MAX: variants seen among roughly 807,000 people sequenced by gnomAD.
The protein encoded by MAX is MYC associated transcriptional regulator X.
A neutral mutation model predicts 22.3 loss-of-function variants in MAX; 3 were observed. The observed-to-expected ratio is 0.13, with a 90% CI of 0.06 to 0.35. MAX has a LOEUF of 0.35. Among genes scored for constraint, MAX ranks in the 10% least tolerant of loss-of-function variants. The probability of loss-of-function intolerance (pLI) is 1.00; values close to 1 mark genes in which losing one functional copy is unlikely to be tolerated. For synonymous variants in MAX, 72 were observed against 77.7 expected (o/e 0.93, Z 0.39); for missense variants, 119 against 209.4 (o/e 0.57, Z 2.66).
rs75241333 is a variant in MAX, at chr14:65,095,996, G to T, written c.64-2181C>A. Among the ~76,000 whole-genome samples, 624 of 152,186 alleles carry T rather than the reference G, an allele frequency of 4.1e-3. 9 individuals are homozygous for T. Among genetic ancestry groups the T allele is most frequent in the East Asian group, 0.039 (200 of 5,172 alleles). ...CCCTCCCATTCACTGAGCTCTGAAA[G>T]GACTCAAATGGACAAGTCTCTCGGT... On this transcript the variant is annotated intron_variant, in intron 2 of 4. Coordinates refer to ENST00000358664, the MANE Select transcript of MAX (RefSeq NM_002382.5).
Position 65,077,447 on chromosome 14 carries a change from G to A in MAX, c.295+466C>T. On this transcript the variant is annotated intron_variant, in intron 4 of 4. Transcript: ENST00000358664. The surrounding 1 kb of genome is among the most constrained non-coding windows in gnomAD (Gnocchi z 6.3). ...CTTTCCCCTGTGGTTGTAGGAAAAG[G>A]CGGGTGTGAGCATTGAGAACAGCAT... The A allele has an allele frequency of 6.5e-7, 1 of 1,535,782 alleles. No homozygotes were observed. Among genetic ancestry groups the A allele is most frequent in the Non-Finnish European group, 9.0e-7 (1 of 1,108,682 alleles).
chr14:65,073,662 C>G (rs912504485), downstream of MAX, among the ~76,000 whole-genome samples: 2 of 152,212 alleles, frequency 1.3e-5, no homozygotes, highest in African/African-American at 4.8e-5. Context: ...TATGGTCCGA[C>G]TTTGGTATCC....
chr14:65,051,109 T>TC (rs1456296024), intron 3 of MAX, among the ~76,000 whole-genome samples: 1 of 152,210 alleles, frequency 6.6e-6, no homozygotes, highest in Non-Finnish European at 1.5e-5. Context: ...TGGATGCTTC[T>TC]CCTTAGGTCG....
At chr14:65,022,971 TG>T (rs1369475631) in intron 3 of MAX, among the ~76,000 whole-genome samples, 2 of 152,352 alleles carry the variant, frequency 1.3e-5, no homozygotes, top group Non-Finnish European at 2.9e-5. Flanking sequence ...GTTTCTGATT[TG>T]TTTTGCTGCT....
rs547446900 is a variant in MAX at position 65,060,504 on chromosome 14, G to A, written c.171+33204C>T. ...GAGGTCAGGAGATCGAGACCATCCC[G>A]GCTAAAACGGTGAAACCCCGTCTCT... is the stretch of plus-strand genomic sequence containing the variant. On this transcript the variant is annotated intron_variant, in intron 3 of 3. Coordinates refer to the MAX transcript ENST00000341653. 3.9e-5 allele frequency among the ~76,000 whole-genome samples: 5 copies of A among 127,446 alleles called. 1 individual carries two copies. The East Asian group carries it at 9.0e-4, about 23-fold the overall frequency. 83.6% of individuals were successfully genotyped at this position (127,446 alleles called of 152,430 possible). A position where few individuals can be genotyped will look rare whatever the true frequency, so the allele number is the denominator to read the frequency against.
intron 3 of MAX, among the ~76,000 whole-genome samples, chr14:65,055,052 T>G (rs1032475742): frequency 6.6e-6 from 1 of 152,264 alleles, no homozygotes; most frequent in Non-Finnish European, 1.5e-5. Flanking sequence ...CATGCGGCAC[T>G]GGCTGTACAG....
chr14:65,091,840 C>T (rs1288904977), intron 3 of MAX: 2 of 152,216 alleles, frequency 1.3e-5, no homozygotes, highest in African/African-American at 2.4e-5. Context: ...ATCATTTCCT[C>T]ATCAGAGCAA....
chr14:65,052,976 G>C (rs1361881400), intron 3 of MAX, among the ~76,000 whole-genome samples: 2 of 152,192 alleles, frequency 1.3e-5, no homozygotes, highest in African/African-American at 2.4e-5. Flanking sequence ...TGTGGTTGAG[G>C]ATCACCATCC....
At chr14:65,091,014 T>A (rs1429408376) in intron 3 of MAX, among the ~76,000 whole-genome samples, 1 of 152,110 alleles carries the variant, frequency 6.6e-6, no homozygotes, top group Non-Finnish European at 1.5e-5. Flanking sequence ...AAGGGAGAAG[T>A]CAGCTGAAAC....
chr14:65,035,454 C>G (rs1255262636), intron 3 of MAX, among the ~76,000 whole-genome samples: 2 of 152,174 alleles, frequency 1.3e-5, no homozygotes, highest in Non-Finnish European at 2.9e-5. Context: ...ATACGGAACT[C>G]AGACAGCCTG....
At chr14:65,066,375 G>C (rs1287178648) in intron 3 of MAX, among the ~76,000 whole-genome samples, 1 of 152,200 alleles carries the variant, frequency 6.6e-6, no homozygotes, top group Non-Finnish European at 1.5e-5. Flanking sequence ...CCTTGCCTCT[G>C]TTTTCCACCA....
intron 3 of MAX, among the ~76,000 whole-genome samples, chr14:65,083,515 G>C (rs912417778): frequency 2.0e-4 from 30 of 152,188 alleles, no homozygotes; most frequent in Admixed American, 5.2e-4. Context: ...AAGTGGGTGG[G>C]GAGAGGTGAG....
At chr14:65,057,974 G>A (rs192317371) in intron 3 of MAX, among the ~76,000 whole-genome samples, 3 of 152,162 alleles carry the variant, frequency 2.0e-5, no homozygotes, top group Non-Finnish European at 2.9e-5. Context: ...TGTCTGCCTT[G>A]TTGTTTTTCT....
intron 3 of MAX, among the ~76,000 whole-genome samples, chr14:65,042,218 G>A (rs1053945045): frequency 2.6e-5 from 4 of 152,140 alleles, no homozygotes; most frequent in Non-Finnish European, 4.4e-5. Context: ...ATGGCTTCAG[G>A]ATGATTCAAG....
At chr14:65,040,715 C>A in intron 3 of MAX, 2 of 1,450,026 alleles carry the variant, frequency 1.4e-6, no homozygotes, top group Non-Finnish European at 9.2e-7. Context: ...TTTTTCTCTG[C>A]CACCTAGGAT....
chr14:65,089,833 C>T (rs1413789768), intron 3 of MAX: 1 of 137,266 alleles, frequency 7.3e-6, no homozygotes, highest in East Asian at 2.5e-4. Context: ...TGATCTTGCC[C>T]TTACTCCATT....
At chr14:65,037,097 T>C (rs2062209717) in intron 3 of MAX, among the ~76,000 whole-genome samples, 1 of 151,906 alleles carries the variant, frequency 6.6e-6, no homozygotes, top group South Asian at 2.1e-4. Context: ...GTTTTCTGTG[T>C]TTGCTCTTTT....
rs1486510598 is a variant in MAX, at chr14:65,031,890, T to C, written c.172-25606A>G. 2.6e-5 allele frequency among the ~76,000 whole-genome samples: 4 copies of C among 152,024 alleles called. No individual in the cohort carries two copies. Among genetic ancestry groups the C allele is most frequent in the African/African-American group, 9.7e-5 (4 of 41,420 alleles). On this transcript the variant is annotated intron_variant, in intron 3 of 3. Transcript: ENST00000341653. The surrounding 1 kb of genome is among the most constrained non-coding windows in gnomAD (Gnocchi z 4.6). ...GAGCTGAGATCATACCACTGCACTCTAGCCTGGGCGACAGAGTGAGACCCT... is the reference window on the plus strand; with the variant it reads ...GAGCTGAGATCATACCACTGCACTCCAGCCTGGGCGACAGAGTGAGACCCT...
Position 65,084,186 on chromosome 14 carries a change from C to T in MAX, c.172-6150G>A. ...GGGTCAAAACAATCATTTTTTAAAT[C>T]TTGCATTCTTTTTTCTTGTGCACTT... On this transcript the variant is annotated intron_variant, in intron 3 of 4. Coordinates refer to ENST00000358664, the MANE Select transcript of MAX (RefSeq NM_002382.5). This position sits in a 1 kb window ranked among gnomAD's most constrained non-coding sequence, Gnocchi z 4.3. 1 of 1,613,880 alleles carries T rather than the reference C, an allele frequency of 6.2e-7. No homozygotes were observed. The highest frequency in any genetic ancestry group is 8.5e-7 in the Non-Finnish European group (1 of 1,179,830).
Sources: allele counts gnomAD v4.1 joint callset (sites outside exome capture counted in the v4.1 genomes callset), GRCh38; gene constraint gnomAD v4.1.1; non-coding constraint Gnocchi (gnomAD v3.1); transcripts MANE v1.5; gene names NCBI Gene and HGNC (gene_info 2026-07-23, HGNC 2026-07-21).